The following PRPF31 variants were observed in gnomAD, a reference collection of about 807,000 sequenced individuals.
The protein encoded by PRPF31 is pre-mRNA processing factor 31, also known as U4/U6 small nuclear ribonucleoprotein Prp31.
In PRPF31, 12 loss-of-function variants were observed where a neutral mutation model predicts 60.4. That is an observed-to-expected ratio of 0.20 (90% CI 0.13 to 0.32). PRPF31 has a LOEUF of 0.32. Ranked by LOEUF, PRPF31 falls within the 10% of genes least tolerant of loss-of-function variation. The pLI is 1.00. For missense variants in PRPF31, 431 were observed against 687.1 expected (o/e 0.63, Z 4.17); for synonymous variants, 287 against 287.9 (o/e 1.00, Z 0.03).
rs2073694809 is a variant in PRPF31 at position 54,118,103 on chromosome 19, A to G, written c.-8-168A>G. The G allele has an allele frequency of 6.5e-6, 6 of 929,156 alleles. No individual in the cohort carries two copies. The East Asian group carries it at 1.4e-4, about 22-fold the overall frequency. The allele number at this position is 929,156 out of a possible 1,614,324, so 57.6% of individuals were successfully genotyped here. A position where few individuals can be genotyped will look rare whatever the true frequency, so the allele number is the denominator to read the frequency against. On this transcript the variant is annotated intron_variant, in intron 1 of 13. Transcript: ENST00000321030. ...TGCGTCTTGCACAGGTCGGAGCTGG[A>G]GACTCGCCAGTGAACAAAACAAACT...
intron 9 of PRPF31, among the ~76,000 whole-genome samples, chr19:54,127,036 C>T (rs587663406): frequency 7.0e-4 from 106 of 152,292 alleles, no homozygotes; most frequent in African/African-American, 2.4e-3. Flanking sequence ...AGGAGAATTG[C>T]TTGAACCTGG....
chr19:54,128,744 C>T (rs948751689), intron 11 of PRPF31, among the ~76,000 whole-genome samples: 1 of 152,180 alleles, frequency 6.6e-6, no homozygotes, highest in Admixed American at 6.5e-5. Flanking sequence ...CAGGACCGAA[C>T]TCAGAGGCCA....
chr19:54,126,522 C>T lies in PRPF31; in HGVS notation c.856-6C>T. On this transcript the variant is annotated splice_polypyrimidine_tract_variant and splice_region_variant and intron_variant, in intron 8 of 13. Transcript: ENST00000321030. ...CAGATTCCACCCCCGTTTTCCGTTG[C>T]TCCAGGATCTGCGGCGGAAAGCGGC... 3 of 1,612,516 alleles carry T rather than the reference C, an allele frequency of 1.9e-6. No homozygotes were observed. The highest frequency in any genetic ancestry group is 2.5e-6 in the Non-Finnish European group (3 of 1,179,384).
Position 54,124,806 on chromosome 19 carries a change from C to T in PRPF31, c.855+150C>T, listed in dbSNP as rs2073880840. The T allele has an allele frequency of 3.2e-6, 3 of 939,828 alleles. No homozygotes were observed. The South Asian group carries it at 4.3e-5, about 14-fold the overall frequency. 58.2% of individuals were successfully genotyped at this position (939,828 alleles called of 1,614,324 possible). A position where few individuals can be genotyped will look rare whatever the true frequency, so the allele number is the denominator to read the frequency against. ...GTGGCATGGGACGTGAGAGCCAGGG[C>T]TCTGCAGCAGACCAGCTCCAGCACC... On this transcript the variant is annotated intron_variant, in intron 8 of 13. Transcript: ENST00000321030.
intron 11 of PRPF31, 74 bp from the exon 12 acceptor site, chr19:54,128,983 G>A: frequency 6.8e-7 from 1 of 1,466,066 alleles, no homozygotes; most frequent in Non-Finnish European, 9.3e-7. Context: ...CTTCGGGCTG[G>A]TGGAGGGGGT....
chr19:54,124,777 C>T, intron 8 of PRPF31, 121 bp downstream of exon 8: 1 of 1,228,376 alleles, frequency 8.1e-7, no homozygotes, highest in Admixed American at 1.8e-5. Flanking sequence ...GAGCTGGGAA[C>T]AGGGTGGCAT....
chr19:54,118,473 G>C lies in PRPF31; in HGVS notation c.177+18G>C, dbSNP rs200689074. 1.2e-5 allele frequency: 19 copies of C among 1,613,988 alleles called. No homozygotes were observed. In the East Asian group the frequency reaches 3.3e-4, roughly 28 times the overall value. The stretch of plus-strand genomic sequence containing the variant: ...GTAAGATGGTAAGAGGACAAGAGGT[G>C]TTCCTAGCAGGGGGCTCTAGACAGA... On this transcript the variant is annotated intron_variant, in intron 2 of 13. Transcript: ENST00000321030.
At chr19:54,116,335 G>C (rs2073636185) in intron 1 of PRPF31, among the ~76,000 whole-genome samples, 1 of 151,972 alleles carries the variant, frequency 6.6e-6, no homozygotes, top group Non-Finnish European at 1.5e-5. Context: ...CTCCCGAGTA[G>C]CTGGGATTAC....
Position 54,131,381 on chromosome 19 carries a change from G to A in PRPF31, c.1449G>A (p.Met483Ile). The A allele has an allele frequency of 1.2e-6, 2 of 1,614,106 alleles. No homozygotes were observed. The highest frequency in any genetic ancestry group is 1.7e-6 in the Non-Finnish European group (2 of 1,180,022). ...CCAACCAGAAGTATTTCTCCAGCAT[G>A]GCTGAGTTCCTCAAGGTCAAGGGCG... ...AEANQKYFSS[M>I]AEFLKVKGEK... The change falls in exon 14 of 14, where the codon ATG (methionine) becomes ATA (isoleucine). Residue 483 changes from methionine to isoleucine, a missense_variant. By Grantham distance (10) the Met-to-Ile change is conservative. Around this residue, in one of 4 missense-constraint regions of PRPF31, gnomAD observed 314 missense variants for 475.3 expected, o/e 0.66. Transcript: ENST00000321030.
intron 11 of PRPF31, among the ~76,000 whole-genome samples, 183 bp downstream of exon 11, chr19:54,128,560 G>C (rs1347763974): frequency 7.5e-6 from 1 of 134,208 alleles, no homozygotes; most frequent in East Asian, 2.2e-4. Context: ...CGACCCTCGC[G>C]ACCCTTGGAG....
chr19:54,120,996 C>T (rs182694503), intron 3 of PRPF31, among the ~76,000 whole-genome samples: 28 of 152,202 alleles, frequency 1.8e-4, no homozygotes, highest in African/African-American at 6.5e-4. Context: ...GCAGCACATG[C>T]AGAGGCCAGG....
intron 11 of PRPF31, among the ~76,000 whole-genome samples, chr19:54,128,764 A>G (rs1234932955): frequency 2.6e-5 from 4 of 152,026 alleles, no homozygotes; most frequent in Admixed American, 2.6e-4. Flanking sequence ...ACCTCATCCT[A>G]TTAAACCTGT....
rs587667371 is a variant in PRPF31, at chr19:54,128,685, G to A, written c.1146+308G>A. Among the ~76,000 whole-genome samples the A allele has an allele frequency of 1.8e-4, 27 of 152,218 alleles. No individual in the cohort carries two copies. In the South Asian group the frequency reaches 5.4e-3, roughly 30 times the overall value. On this transcript the variant is annotated intron_variant, in intron 11 of 13. Coordinates refer to ENST00000321030, the MANE Select transcript of PRPF31 (RefSeq NM_015629.4). Reference sequence around the variant, plus strand: ...CCTGCTGCACGGCCGCCCCGTCCCTGGGCCCCGCCAGTCTCCTCTGTTATC... The same window carrying A: ...CCTGCTGCACGGCCGCCCCGTCCCTAGGCCCCGCCAGTCTCCTCTGTTATC...
chr19:54,130,363 C>A (rs1039671417), intron 13 of PRPF31, among the ~76,000 whole-genome samples: 1 of 152,170 alleles, frequency 6.6e-6, no homozygotes, highest in Non-Finnish European at 1.5e-5. Context: ...CGGTGGCTCA[C>A]GCCTGTAATC....
intron 9 of PRPF31, 112 bp from the exon 10 acceptor site, chr19:54,127,961 A>T (rs2073958163): frequency 1.6e-5 from 23 of 1,433,614 alleles, no homozygotes; most frequent in Non-Finnish European, 2.2e-5. Flanking sequence ...GTGAGGCAGC[A>T]TTAGGTGCTG....
At chr19:54,127,922 C>T (rs587710494) in intron 9 of PRPF31, 151 bp from the exon 10 acceptor site, 1 of 1,143,190 alleles carries the variant, frequency 8.7e-7, no homozygotes, top group African/African-American at 1.5e-5. Flanking sequence ...GCTAAGTCAA[C>T]ACCAAGAAGA....
chr19:54,126,754 C>T (rs2073932181), intron 9 of PRPF31, 137 bp downstream of exon 9: 1 of 901,476 alleles, frequency 1.1e-6, no homozygotes, highest in Non-Finnish European at 1.8e-6. Flanking sequence ...TCTGCCCACC[C>T]TCCCTGGGGT....
intron 2 of PRPF31, 53 bp from the exon 3 acceptor site, chr19:54,118,520 C>G: frequency 6.2e-7 from 1 of 1,613,622 alleles, no homozygotes; most frequent in Non-Finnish European, 8.5e-7. Flanking sequence ...GGGGGTGATA[C>G]AGGCTTCTTT....
At chr19:54,124,990 G>A (rs1276510179) in intron 8 of PRPF31, 5 of 476,194 alleles carry the variant, frequency 1.0e-5, no homozygotes, top group Admixed American at 6.8e-5. Flanking sequence ...AAGCAGCGTC[G>A]GGTTAGCGTG....
Sources: allele counts gnomAD v4.1 joint callset (sites outside exome capture counted in the v4.1 genomes callset), GRCh38; gene constraint gnomAD v4.1.1; regional missense constraint gnomAD v4.1.1; transcripts MANE v1.5; gene names NCBI Gene and HGNC (gene_info 2026-07-23, HGNC 2026-07-21).